Variants in PTN observed in about 807,000 individuals in gnomAD.
PTN encodes the protein pleiotrophin, also known as heparin affin regulatory protein.
In PTN, 18 loss-of-function variants were observed where a neutral mutation model predicts 24.1. The ratio of observed to expected loss-of-function variants is 0.75; its 90% CI spans 0.52 to 1.11. The LOEUF (loss-of-function observed/expected upper bound fraction) is 1.11. PTN is among the 50% of genes least tolerant of loss of function. The pLI, the probability that PTN is intolerant of heterozygous loss-of-function variation, is 0.00. For missense variants in PTN, 163 were observed against 198.8 expected (o/e 0.82, Z 1.08); for synonymous variants, 78 against 68.6 (o/e 1.14, Z -0.67).
chr7:137,236,363 G>A (rs1808521195), intron 4 of PTN: 1 of 678,974 alleles, frequency 1.5e-6, no homozygotes, highest in Non-Finnish European at 2.7e-6. Flanking sequence ...AGCGTGTTGG[G>A]ATCAGTCCCT....
At chr7:137,322,847 C>G (rs529201265) in intron 1 of PTN, among the ~76,000 whole-genome samples, 6 of 152,288 alleles carry the variant, frequency 3.9e-5, no homozygotes, top group African/African-American at 1.2e-4. Flanking sequence ...ATCCAAGAAT[C>G]CATTAAAGTG....
intron 1 of PTN, among the ~76,000 whole-genome samples, chr7:137,305,532 C>A (rs1281179918): frequency 6.6e-6 from 1 of 152,046 alleles, no homozygotes; most frequent in Non-Finnish European, 1.5e-5. Context: ...CATATTCCAG[C>A]TACTTTCAAA....
intron 1 of PTN, among the ~76,000 whole-genome samples, chr7:137,265,956 GC>G (rs1188898775): frequency 1.3e-5 from 2 of 152,120 alleles, no homozygotes; most frequent in South Asian, 2.1e-4. Flanking sequence ...ATTTAACAAT[GC>G]TTTTTGTATG....
At chr7:137,302,989 T>C (rs1358985758) in intron 1 of PTN, among the ~76,000 whole-genome samples, 1 of 152,004 alleles carries the variant, frequency 6.6e-6, no homozygotes, top group East Asian at 1.9e-4. Context: ...CATTGTATAG[T>C]ATTTATTGTA....
intron 2 of PTN, among the ~76,000 whole-genome samples, chr7:137,254,181 C>T (rs183643976): frequency 1.8e-4 from 27 of 151,894 alleles, no homozygotes; most frequent in African/African-American, 6.3e-4. Flanking sequence ...GCCTGCAGCC[C>T]CAGCTACTCG....
chr7:137,253,540 C>A lies in PTN; in HGVS notation c.213G>T (p.Arg71=), dbSNP rs1808865314. 6.2e-7 allele frequency: 1 copy of A among 1,612,594 alleles called. No individual in the cohort carries two copies. Among genetic ancestry groups the A allele is most frequent in the Non-Finnish European group, 8.5e-7 (1 of 1,179,380 alleles). Residue 71 remains arginine, a synonymous_variant, in exon 3 of 5, where the codon CGG becomes CGT. Coordinates refer to ENST00000348225, the MANE Select transcript of PTN (RefSeq NM_002825.7). ...TGGTTTGCTTGCACTCAGCTCCAGT[C>A]CGAGTGCCCTCCCGTGTGCCCAGCC... ...DCGLGTREGT[R]TGAECKQTMK...
At chr7:137,311,076 A>G (rs1809973482) in intron 1 of PTN, among the ~76,000 whole-genome samples, 1 of 152,028 alleles carries the variant, frequency 6.6e-6, no homozygotes, top group Non-Finnish European at 1.5e-5. Flanking sequence ...TACTAAAAAT[A>G]CAAGAATTAG....
intron 1 of PTN, among the ~76,000 whole-genome samples, chr7:137,256,687 G>A (rs1023167588): frequency 2.6e-5 from 4 of 151,954 alleles, no homozygotes; most frequent in African/African-American, 9.7e-5. Context: ...CTCAGTAATG[G>A]GATGGCTGGA....
At chr7:137,295,088 G>A (rs559439334) in intron 1 of PTN, among the ~76,000 whole-genome samples, 1 of 152,224 alleles carries the variant, frequency 6.6e-6, no homozygotes, top group Admixed American at 6.5e-5. Context: ...CCCATGAAAT[G>A]TAAGTAGTCA....
chr7:137,279,402 G>A (rs577103085), intron 1 of PTN, among the ~76,000 whole-genome samples: 1 of 152,222 alleles, frequency 6.6e-6, no homozygotes, highest in African/African-American at 2.4e-5. Flanking sequence ...TTAGAAAACT[G>A]CTGTATTAAA....
At chr7:137,290,974 G>T (rs1318010184) in intron 1 of PTN, among the ~76,000 whole-genome samples, 1 of 152,110 alleles carries the variant, frequency 6.6e-6, no homozygotes, top group Non-Finnish European at 1.5e-5. Flanking sequence ...TTCAAACTGG[G>T]TTTGTAAAAG....
At chr7:137,234,456 T>G (rs1171926136) in intron 4 of PTN, among the ~76,000 whole-genome samples, 1 of 152,102 alleles carries the variant, frequency 6.6e-6, no homozygotes, top group Non-Finnish European at 1.5e-5. Context: ...GCAATTTATA[T>G]GAGTCTATCA....
intron 1 of PTN, among the ~76,000 whole-genome samples, chr7:137,280,725 A>AAAAAAAAAAAAAAT (rs71176392): frequency 1.4e-5 from 2 of 138,396 alleles, no homozygotes; most frequent in Non-Finnish European, 3.1e-5. Flanking sequence ...AAAAAAAAAA[A>AAAAAAAAAAAAAAT]GCTGAGTGTG....
intron 1 of PTN, among the ~76,000 whole-genome samples, chr7:137,272,017 T>C (rs1292805085): frequency 6.6e-6 from 1 of 152,200 alleles, no homozygotes; most frequent in East Asian, 1.9e-4. Flanking sequence ...TCATCTTTAA[T>C]TATACAAAGT....
intron 4 of PTN, among the ~76,000 whole-genome samples, chr7:137,238,882 A>G (rs1359703664): frequency 6.6e-6 from 1 of 152,210 alleles, no homozygotes; most frequent in South Asian, 2.1e-4. Flanking sequence ...ACAACTTAAA[A>G]CACAAGCAGA....
intron 1 of PTN, among the ~76,000 whole-genome samples, chr7:137,276,170 T>C (rs2128875131): frequency 6.6e-6 from 1 of 152,300 alleles, no homozygotes; most frequent in East Asian, 1.9e-4. Context: ...AAACACCTAA[T>C]GAAAGTCCAT....
intron 1 of PTN, among the ~76,000 whole-genome samples, chr7:137,266,312 T>G (rs1809143536): frequency 6.6e-6 from 1 of 152,208 alleles, no homozygotes; most frequent in Admixed American, 6.5e-5. Flanking sequence ...CTTTTTAATG[T>G]AGGTAAAAAT....
intron 1 of PTN, among the ~76,000 whole-genome samples, chr7:137,319,997 A>G (rs1279022668): frequency 6.6e-6 from 1 of 152,210 alleles, no homozygotes; most frequent in East Asian, 1.9e-4. Context: ...CCATGTTCCC[A>G]GGATATTCAA....
intron 1 of PTN, among the ~76,000 whole-genome samples, chr7:137,266,660 GTT>G: frequency 7.8e-6 from 1 of 128,100 alleles, no homozygotes; most frequent in Admixed American, 7.8e-5. Flanking sequence ...TAACCATTCT[GTT>G]TTTTTTTTTT....
Sources: gnomAD v4.1 joint callset for allele counts (sites outside exome capture counted in the v4.1 genomes callset) on GRCh38, gnomAD v4.1.1 for gene constraint, MANE v1.5 for transcripts, NCBI Gene and HGNC (gene_info 2026-07-23, HGNC 2026-07-21) for gene names.